The following NLRP5 variants were observed in gnomAD, a reference collection of about 807,000 sequenced individuals.
NLRP5 encodes NLR family pyrin domain containing 5, also known as NACHT, LRR and PYD domains-containing protein 5.
In NLRP5, 93 loss-of-function variants were observed where a neutral mutation model predicts 113.1. That is an observed-to-expected ratio of 0.82 (90% CI 0.70 to 0.98). The LOEUF (loss-of-function observed/expected upper bound fraction) is 0.98. NLRP5 is among the 50% of genes least tolerant of loss of function. The probability of loss-of-function intolerance (pLI) is 0.00; values close to 1 mark genes in which losing one functional copy is unlikely to be tolerated. For synonymous variants in NLRP5, 751 were observed against 600.7 expected, an observed-to-expected ratio of 1.25 and a Z score of -3.66; for missense variants, 1,808 against 1,514.3, an observed-to-expected ratio of 1.19 and a Z score of -3.22.
intron 10 of NLRP5, 45 bp downstream of exon 10, chr19:56,038,240 A>G (rs763799147): frequency 6.4e-7 from 1 of 1,560,990 alleles, no homozygotes; most frequent in East Asian, 2.2e-5. Flanking sequence ...AACTTCCACC[A>G]GGATTATCGT....
intron 6 of NLRP5, among the ~76,000 whole-genome samples, chr19:56,024,071 G>A (rs1982719274): frequency 6.6e-6 from 1 of 152,010 alleles, no homozygotes; most frequent in Non-Finnish European, 1.5e-5. Context: ...AAGCTAGGGG[G>A]CTGACAAAAA....
Position 56,028,331 on chromosome 19 carries a change from G to T in NLRP5, c.2098G>T (p.Val700Phe). Residue 700 changes from valine to phenylalanine, a missense_variant, in exon 7 of 15, where the codon GTT becomes TTT. Transcript: ENST00000390649. ...TTTCGAGACTCAAGACAAAGAGTTT[G>T]TTCGCTTGGCATTAAACAGCTTCCA... is the stretch of plus-strand genomic sequence containing the variant. 1 of 1,614,028 alleles carries T rather than the reference G, an allele frequency of 6.2e-7. No individual in the cohort carries two copies. Among genetic ancestry groups the T allele is most frequent in the Non-Finnish European group, 8.5e-7 (1 of 1,179,900 alleles).
At chr19:56,048,726 G>A (rs1983816427) in intron 11 of NLRP5, among the ~76,000 whole-genome samples, 1 of 151,898 alleles carries the variant, frequency 6.6e-6, no homozygotes, top group East Asian at 1.9e-4. Context: ...TAATTTCCTG[G>A]GTGTTCTTTG....
chr19:56,017,406 A>G (rs1359510740), intron 4 of NLRP5, among the ~76,000 whole-genome samples: 1 of 152,048 alleles, frequency 6.6e-6, no homozygotes, highest in Admixed American at 6.6e-5. Context: ...GATCTTTCTT[A>G]GGCATTTATG....
chr19:56,009,483 A>G (rs1434625454), intron 3 of NLRP5, among the ~76,000 whole-genome samples: 1 of 152,080 alleles, frequency 6.6e-6, no homozygotes, highest in African/African-American at 2.4e-5. Flanking sequence ...TTTGGTGGAA[A>G]GAATCAGATA....
At chr19:56,030,259 A>T (rs1216912902) in intron 7 of NLRP5, among the ~76,000 whole-genome samples, 1 of 151,340 alleles carries the variant, frequency 6.6e-6, no homozygotes, top group Non-Finnish European at 1.5e-5. Context: ...AATCCCAGCT[A>T]CTCAGGAGGC....
chr19:56,041,577 G>C (rs1983524323), intron 11 of NLRP5, among the ~76,000 whole-genome samples: 1 of 152,192 alleles, frequency 6.6e-6, no homozygotes, highest in African/African-American at 2.4e-5. Context: ...TCTGACACAA[G>C]TGATGGACCT....
chr19:56,000,296 G>A (rs1981590862), intron 1 of NLRP5, among the ~76,000 whole-genome samples: 3 of 152,210 alleles, frequency 2.0e-5, no homozygotes, highest in Admixed American at 2.0e-4. Flanking sequence ...CTGTATAGAG[G>A]ATATTCATGA....
intron 12 of NLRP5, among the ~76,000 whole-genome samples, chr19:56,053,304 G>A (rs765403623): frequency 6.6e-6 from 1 of 152,036 alleles, no homozygotes; most frequent in African/African-American, 2.4e-5. Context: ...CTGAGGAAGG[G>A]AGAATAGCTT....
At chr19:56,022,922 G>C (rs894793857) in intron 6 of NLRP5, among the ~76,000 whole-genome samples, 1 of 152,102 alleles carries the variant, frequency 6.6e-6, no homozygotes, top group Admixed American at 6.5e-5. Flanking sequence ...GATGGGGTTT[G>C]TCCATATTGG....
At chr19:56,011,355 G>A (rs542738342) in intron 3 of NLRP5, among the ~76,000 whole-genome samples, 242 of 152,074 alleles carry the variant, frequency 1.6e-3, no homozygotes, top group Admixed American at 3.6e-3. Flanking sequence ...AACTTAGAGG[G>A]TGAGGACTAA....
At chr19:56,057,005 A>G (rs1984179933) in intron 13 of NLRP5, among the ~76,000 whole-genome samples, 1 of 151,714 alleles carries the variant, frequency 6.6e-6, no homozygotes, top group African/African-American at 2.4e-5. Flanking sequence ...GCATGGTGGC[A>G]GGCGCTTGTA....
At chr19:56,060,075 C>A (rs1193955769) in intron 14 of NLRP5, among the ~76,000 whole-genome samples, 2 of 152,134 alleles carry the variant, frequency 1.3e-5, no homozygotes, top group African/African-American at 4.8e-5. Context: ...AGGACTGTTA[C>A]AGTGACAAAA....
Position 56,020,407 on chromosome 19 carries a change from A to C in NLRP5, c.655A>C (p.Thr219Pro). The C allele has an allele frequency of 6.2e-7, 1 of 1,613,602 alleles. No homozygotes were observed. Among genetic ancestry groups the C allele is most frequent in the East Asian group, 2.2e-5 (1 of 44,878 alleles). ...ACAAGCTATGGAACAAGAAGGTGCC[A>C]CAGCAGCAGAGACAGAAGAACAAGG... Residue 219 changes from threonine to proline, a missense_variant, in exon 6 of 15, where the codon ACA (threonine) becomes CCA (proline). Coordinates refer to ENST00000390649, the MANE Select transcript of NLRP5 (RefSeq NM_153447.4).
chr19:55,997,591 G>A (rs1392230167), upstream of NLRP5, among the ~76,000 whole-genome samples: 3 of 152,132 alleles, frequency 2.0e-5, no homozygotes, highest in East Asian at 5.8e-4. Flanking sequence ...CAGCACTCTG[G>A]GAAGCCAAGG....
In NLRP5 at chr19:56,060,182, C is replaced by T. The variant is rs10408962; in HGVS notation, c.3471-1214C>T. On this transcript the variant is annotated intron_variant, in intron 14 of 14. Coordinates refer to ENST00000390649, the MANE Select transcript of NLRP5 (RefSeq NM_153447.4). ...GACAAGATCAGTGGTGACTATGGGA[C>T]TTAGTAGTTGAAGTAGGATAGAAGT... Among the ~76,000 whole-genome samples, 3 of 152,292 alleles carry T rather than the reference C, an allele frequency of 2.0e-5. No individual in the cohort carries two copies. The East Asian group carries it at 5.8e-4, about 29-fold the overall frequency.
At chr19:56,053,876 C>A in intron 13 of NLRP5, 68 bp downstream of exon 13, 1 of 1,443,028 alleles carries the variant, frequency 6.9e-7, no homozygotes, top group Non-Finnish European at 9.7e-7. Flanking sequence ...CATGAGGTTG[C>A]TTGAACAGGG....
chr19:56,039,895 C>T (rs1458722208), intron 10 of NLRP5, among the ~76,000 whole-genome samples: 2 of 152,100 alleles, frequency 1.3e-5, no homozygotes, highest in Middle Eastern at 3.2e-3. Context: ...GCCTGGGCAA[C>T]AAGCGCAAAA....
At chr19:56,032,375 G>T (rs979444677) in intron 7 of NLRP5, among the ~76,000 whole-genome samples, 74 of 150,358 alleles carry the variant, frequency 4.9e-4, no homozygotes, top group Non-Finnish European at 1.5e-4. Flanking sequence ...TGATTCAGGA[G>T]CTGGCGGTTC....
Sources: gnomAD v4.1 joint callset for allele counts (sites outside exome capture counted in the v4.1 genomes callset) on GRCh38, gnomAD v4.1.1 for gene constraint, MANE v1.5 for transcripts, NCBI Gene and HGNC (gene_info 2026-07-23, HGNC 2026-07-21) for gene names.